Variants in RAPGEF2 observed in about 807,000 individuals in gnomAD.
The protein encoded by RAPGEF2 is PDZ domain containing guanine nucleotide exchange factor (GEF) 1.
RAPGEF2 carries 54 observed loss-of-function variants against 186.7 expected under a neutral mutation model. The ratio of observed to expected loss-of-function variants is 0.29; its 90% CI spans 0.23 to 0.36. RAPGEF2 has a LOEUF of 0.36. Ranked by LOEUF, RAPGEF2 falls within the 10% of genes least tolerant of loss-of-function variation. The pLI is 1.00. For missense variants in RAPGEF2, 1,532 were observed against 2,045.0 expected (o/e 0.75, Z 4.84); for synonymous variants, 712 against 705.9 (o/e 1.01, Z -0.14).
At chr4:159,282,092 T>A (rs559083804) in intron 7 of RAPGEF2, among the ~76,000 whole-genome samples, 4 of 152,330 alleles carry the variant, frequency 2.6e-5, no homozygotes, top group Admixed American at 6.5e-5. Context: ...GAATTACATA[T>A]CTGGCACATG....
chr4:159,260,634 C>T (rs1328855401), intron 7 of RAPGEF2, among the ~76,000 whole-genome samples: 1 of 152,146 alleles, frequency 6.6e-6, no homozygotes, highest in African/African-American at 2.4e-5. Context: ...ACAATTAGCA[C>T]AGGTATTTGA....
intron 1 of RAPGEF2, among the ~76,000 whole-genome samples, chr4:159,110,902 A>ATATT (rs1553993027): frequency 1.3e-5 from 2 of 150,756 alleles, no homozygotes; most frequent in African/African-American, 4.9e-5. Context: ...GAGCTAGAAT[A>ATATT]TATATTTATG....
chr4:159,128,342 T>C (rs1052030409), intron 1 of RAPGEF2, among the ~76,000 whole-genome samples: 1 of 152,158 alleles, frequency 6.6e-6, no homozygotes, highest in Admixed American at 6.5e-5. Context: ...TTCTCACCTG[T>C]AAAATGGAAC....
chr4:159,239,438 TG>T (rs1753685493), intron 5 of RAPGEF2, among the ~76,000 whole-genome samples: 1 of 152,206 alleles, frequency 6.6e-6, no homozygotes, highest in Non-Finnish European at 1.5e-5. Context: ...GAAAATCACT[TG>T]AATTTTTTCA....
At chr4:159,109,899 T>TTA (rs1437569612) in intron 1 of RAPGEF2, among the ~76,000 whole-genome samples, 1 of 152,186 alleles carries the variant, frequency 6.6e-6, no homozygotes, top group Admixed American at 6.5e-5. Context: ...TTACTGGCAT[T>TTA]TAGAAGCTCA....
rs1730410016 is a variant in RAPGEF2 at position 159,346,978 on chromosome 4, T to C, written c.3692T>C (p.Val1231Ala). Residue 1231 changes from valine (V) to alanine (A), a missense_variant, in exon 25 of 30, where the codon GTA (valine) becomes GCA (alanine). Val to Ala is a moderately conservative substitution (Grantham distance 64, BLOSUM62 0). Transcript: ENST00000691494. Reference sequence around the variant, plus strand: ...TATCCTTCACGGAAGAAAGTGCCCGTAAAGGATCTCCCACCTTTTGGTAAG... The same window carrying C: ...TATCCTTCACGGAAGAAAGTGCCCGCAAAGGATCTCCCACCTTTTGGTAAG... The part of the protein sequence containing the change: ...SLYPSRKKVP[V>A]KDLPPFGINS... 7 of 1,613,898 alleles carry C rather than the reference T, an allele frequency of 4.3e-6. No individual in the cohort carries two copies. The African/African-American group carries it at 8.0e-5, about 18-fold the overall frequency.
intron 3 of RAPGEF2, among the ~76,000 whole-genome samples, chr4:159,206,657 C>T (rs1333835116): frequency 6.6e-6 from 1 of 152,192 alleles, no homozygotes; most frequent in Non-Finnish European, 1.5e-5. Context: ...GCACGTTGTA[C>T]CCCACACGGA....
chr4:159,227,692 T>C lies in RAPGEF2; in HGVS notation c.282-11117T>C, dbSNP rs1752188198. On this transcript the variant is annotated intron_variant, in intron 4 of 29. Coordinates refer to ENST00000691494, the MANE Select transcript of RAPGEF2 (RefSeq NM_001394067.2). ...ATCACACCACTGATCTTTGCTGGTT[T>C]AGATTGTGGCAAGAGAGAAAAACTG... Among the ~76,000 whole-genome samples, 4 of 152,210 alleles carry C rather than the reference T, an allele frequency of 2.6e-5. No individual in the cohort carries two copies. The South Asian group carries it at 6.2e-4, about 24-fold the overall frequency.
At chr4:159,251,799 C>G (rs548322778) in intron 7 of RAPGEF2, among the ~76,000 whole-genome samples, 2 of 151,832 alleles carry the variant, frequency 1.3e-5, no homozygotes, top group South Asian at 2.1e-4. Context: ...ATGGACCAAT[C>G]AGCAGGATGT....
chr4:159,324,948 A>C (rs1561282590), intron 11 of RAPGEF2, among the ~76,000 whole-genome samples: 1 of 152,002 alleles, frequency 6.6e-6, no homozygotes, highest in Non-Finnish European at 1.5e-5. Flanking sequence ...ACTAATTGTC[A>C]GTTGTATTTA....
chr4:159,146,366 T>C (rs1029801738), intron 1 of RAPGEF2, among the ~76,000 whole-genome samples: 1 of 151,854 alleles, frequency 6.6e-6, no homozygotes, highest in African/African-American at 2.4e-5. Flanking sequence ...TTTTTCTTTT[T>C]TTTTTTTTCT....
chr4:159,150,301 T>A (rs1743401449), intron 1 of RAPGEF2, among the ~76,000 whole-genome samples: 1 of 152,160 alleles, frequency 6.6e-6, no homozygotes, highest in Non-Finnish European at 1.5e-5. Context: ...ATCAGCTAAT[T>A]AATACATAAC....
intron 1 of RAPGEF2, among the ~76,000 whole-genome samples, chr4:159,107,865 G>C (rs1738048070): frequency 1.3e-5 from 2 of 152,262 alleles, no homozygotes; most frequent in South Asian, 4.1e-4. Flanking sequence ...TTTTCCATTT[G>C]AGTTTCTTTT....
chr4:159,160,743 G>A (rs1317754761), intron 1 of RAPGEF2, among the ~76,000 whole-genome samples: 2 of 152,174 alleles, frequency 1.3e-5, no homozygotes, highest in African/African-American at 2.4e-5. Flanking sequence ...TTTGATTTAA[G>A]TGAATTTGTA....
At position 159,323,567 on chromosome 4, in the gene RAPGEF2, G is replaced by T; in HGVS notation, c.1099G>T (p.Asp367Tyr). Residue 367 changes from aspartate (D) to tyrosine (Y), a missense_variant, in exon 11 of 30, where the codon GAC becomes TAC. Asp to Tyr is a radical substitution (Grantham distance 160). Around this residue, in one of 4 missense-constraint regions of RAPGEF2, gnomAD observed 810 missense variants for 1,210.5 expected, o/e 0.67. Coordinates refer to ENST00000691494, the MANE Select transcript of RAPGEF2 (RefSeq NM_001394067.2). ...GNSFGVSPTM[D>Y]KEYMKGVMRT... is the part of the protein sequence containing the mutation. ...TAGTTTTGGTGTCTCTCCTACCATG[G>T]ACAAAGAATACATGAAAGGAGTGAT... is the stretch of plus-strand genomic sequence containing the variant. The T allele has an allele frequency of 6.2e-7, 1 of 1,611,498 alleles. No individual in the cohort carries two copies. Among genetic ancestry groups the T allele is most frequent in the South Asian group, 1.1e-5 (1 of 90,778 alleles).
chr4:159,228,246 AG>A (rs1229129067), intron 4 of RAPGEF2: 2 of 152,298 alleles, frequency 1.3e-5, no homozygotes, highest in African/African-American at 4.8e-5. Flanking sequence ...ACTCACTGGG[AG>A]AAAACACGGG....
intron 2 of RAPGEF2, among the ~76,000 whole-genome samples, chr4:159,188,674 A>G (rs1272354171): frequency 1.3e-5 from 2 of 151,824 alleles, no homozygotes; most frequent in South Asian, 2.1e-4. Flanking sequence ...AAAAAAAAAA[A>G]AAAAGAAAAG....
rs1310511216 is a variant in RAPGEF2, at chr4:159,298,221, CTT to C, written c.544-6118_544-6117del. On this transcript the variant is annotated intron_variant, in intron 7 of 29. Transcript: ENST00000691494. ...ATTAACTCATGACACATTTAGAAAA[CTT>C]TTGTTTCCTGACATTATATATATTT... Among the ~76,000 whole-genome samples the C allele has an allele frequency of 3.3e-5, 5 of 152,148 alleles. No homozygotes were observed. In the South Asian group the frequency reaches 6.2e-4, roughly 19 times the overall value.
chr4:159,336,077 G>A (rs915430343), intron 17 of RAPGEF2, among the ~76,000 whole-genome samples: 1 of 151,662 alleles, frequency 6.6e-6, no homozygotes, highest in Non-Finnish European at 1.5e-5. Flanking sequence ...TCTTTATGCC[G>A]GTTATATGAT....
Sources: gnomAD v4.1 joint callset for allele counts (sites outside exome capture counted in the v4.1 genomes callset) on GRCh38, gnomAD v4.1.1 for gene constraint, gnomAD v4.1.1 regional missense constraint, MANE v1.5 for transcripts, NCBI Gene and HGNC (gene_info 2026-07-23, HGNC 2026-07-21) for gene names.